Variants in GCNT2 observed in about 807,000 individuals in gnomAD.
GCNT2 encodes the protein glucosaminyl (N-acetyl) transferase 2 (I blood group).
A neutral mutation model predicts 34.2 loss-of-function variants in GCNT2; 34 were observed. The observed-to-expected ratio is 1.00, with a 90% CI of 0.76 to 1.32. The LOEUF is 1.32. Ranked by LOEUF, GCNT2 falls within the 40% of genes most tolerant of loss-of-function variation. The pLI is 0.00. For missense variants in GCNT2, 584 were observed against 489.4 expected (o/e 1.19, Z -1.82); for synonymous variants, 212 against 188.0 (o/e 1.13, Z -1.04).
At chr6:10,588,027 T>A (rs755393250) in intron 3 of GCNT2, among the ~76,000 whole-genome samples, 3 of 152,228 alleles carry the variant, frequency 2.0e-5, no homozygotes, top group Non-Finnish European at 2.9e-5. Context: ...TGAAGCCACC[T>A]CTTGCCTGAA....
chr6:10,535,514 C>T (rs1022498353), intron 3 of GCNT2, among the ~76,000 whole-genome samples: 11 of 152,164 alleles, frequency 7.2e-5, no homozygotes, highest in African/African-American at 2.7e-4. Flanking sequence ...GTTCATCCAC[C>T]TCCCACTTTC....
chr6:10,563,756 G>GAAAAAA (rs55761102), intron 3 of GCNT2, among the ~76,000 whole-genome samples: 2 of 55,790 alleles, frequency 3.6e-5, no homozygotes, highest in African/African-American at 1.1e-4. Context: ...AAAGAAAAAA[G>GAAAAAA]AAAAAAAAAA....
chr6:10,586,442 C>A, intron 3 of GCNT2: 2 of 1,614,162 alleles, frequency 1.2e-6, no homozygotes, highest in Non-Finnish European at 1.7e-6. Flanking sequence ...AAAATGCTTT[C>A]ATTGCTTCAA....
At position 10,604,867 on chromosome 6, in the gene GCNT2, G is replaced by GAAA. The variant is rs3064184; in HGVS notation, c.926-16481_926-16479dup. ...GAGTGAGACCTTGTCTCAAAAAAAAGAAAAAGAAAAAGAAAGAAAAATGTA... is the reference window on the plus strand; with the variant it reads ...GAGTGAGACCTTGTCTCAAAAAAAAGAAAAAAAAGAAAAAGAAAGAAAAATGTA... On this transcript the variant is annotated intron_variant, in intron 3 of 4. Coordinates refer to ENST00000495262, the MANE Select transcript of GCNT2 (RefSeq NM_145649.5). Among the ~76,000 whole-genome samples the GAAA allele has an allele frequency of 9.9e-3, 1,466 of 147,868 alleles. 26 individuals carry two copies. Among genetic ancestry groups the GAAA allele is most frequent in the African/African-American group, 0.031 (1,245 of 40,720 alleles).
chr6:10,551,313 T>TCA, intron 3 of GCNT2, among the ~76,000 whole-genome samples: 1 of 152,250 alleles, frequency 6.6e-6, no homozygotes, highest in East Asian at 1.9e-4. Flanking sequence ...TTACACCAGC[T>TCA]CACACAGAGA....
chr6:10,523,028 A>T (rs1760994149), intron 1 of GCNT2, among the ~76,000 whole-genome samples: 1 of 152,206 alleles, frequency 6.6e-6, no homozygotes, highest in Non-Finnish European at 1.5e-5. Flanking sequence ...ACGCAGGCGG[A>T]AAGTGCCTTT....
At chr6:10,541,296 GAAT>G (rs1204769135) in intron 3 of GCNT2, among the ~76,000 whole-genome samples, 1 of 152,120 alleles carries the variant, frequency 6.6e-6, no homozygotes, top group Admixed American at 6.6e-5. Flanking sequence ...ACTTTGCTGA[GAAT>G]AATGTCTTCC....
At chr6:10,617,375 C>T (rs1334423870) in intron 3 of GCNT2, among the ~76,000 whole-genome samples, 2 of 152,196 alleles carry the variant, frequency 1.3e-5, no homozygotes, top group African/African-American at 4.8e-5. Flanking sequence ...TGCGCGCAGC[C>T]CTGGTTCCCG....
intron 3 of GCNT2, among the ~76,000 whole-genome samples, chr6:10,545,873 TC>T (rs1289860824): frequency 2.0e-5 from 3 of 152,102 alleles, no homozygotes; most frequent in Non-Finnish European, 2.9e-5. Flanking sequence ...AGAAATAAAA[TC>T]AGTTACAATG....
intron 3 of GCNT2, chr6:10,556,224 G>T (rs1762694785): frequency 1.4e-6 from 2 of 1,438,198 alleles, no homozygotes; most frequent in African/African-American, 2.9e-5. Flanking sequence ...TGAGAGAGGC[G>T]GGATCTGGCT....
intron 3 of GCNT2, chr6:10,575,191 A>T (rs551098957): frequency 8.5e-5 from 33 of 389,782 alleles, no homozygotes; most frequent in African/African-American, 6.0e-4. Context: ...GAGAACATAC[A>T]TTGGGTGCCT....
At position 10,628,589 on chromosome 6, in the gene GCNT2, G is replaced by T. The variant is rs1383162640; in HGVS notation, c.*1982G>T. 6.6e-6 allele frequency: 1 copy of T among 152,210 alleles called. No homozygotes were observed. Among genetic ancestry groups the T allele is most frequent in the African/African-American group, 2.4e-5 (1 of 41,454 alleles). The allele number at this position is 152,210 out of a possible 1,614,324, so 9.4% of individuals were successfully genotyped here. ...ACAAACTGCCATTGGCTATAGATGG[G>T]ACTGTGTCCCCCCAAAATTCATGTG... On this transcript the variant is annotated 3_prime_UTR_variant, in exon 5 of 5. Transcript: ENST00000495262.
intron 3 of GCNT2, among the ~76,000 whole-genome samples, chr6:10,540,712 T>C (rs1441946653): frequency 2.6e-5 from 4 of 152,206 alleles, no homozygotes; most frequent in African/African-American, 4.8e-5. Flanking sequence ...AGATGTTCTC[T>C]ACAAGTGGAG....
At chr6:10,564,416 C>G (rs1367061991) in intron 3 of GCNT2, among the ~76,000 whole-genome samples, 1 of 152,220 alleles carries the variant, frequency 6.6e-6, no homozygotes, top group East Asian at 1.9e-4. Flanking sequence ...TCCCTTAGCT[C>G]TCCCTACCCT....
At position 10,621,426 on chromosome 6, in the gene GCNT2, G is replaced by A; in HGVS notation, c.1001G>A (p.Arg334Lys). 1 of 1,611,850 alleles carries A rather than the reference G, an allele frequency of 6.2e-7. No homozygotes were observed. The highest frequency in any genetic ancestry group is 1.1e-5 in the South Asian group (1 of 90,974). Residue 334 changes from arginine (R) to lysine (K), a missense_variant, in exon 4 of 5, where the codon AGA (arginine) becomes AAA (lysine). Coordinates refer to ENST00000495262, the MANE Select transcript of GCNT2 (RefSeq NM_145649.5). ...RAIKWSDMED[R>K]HGGCHGHYVH... The stretch of plus-strand genomic sequence containing the variant: ...ATAAAGTGGAGTGACATGGAAGACA[G>A]ACACGGAGGCTGCCACGGTGAGGCT...
At chr6:10,580,592 G>A (rs115248909) in intron 3 of GCNT2, among the ~76,000 whole-genome samples, 2,830 of 151,304 alleles carry the variant, frequency 0.019, 59 homozygotes, top group African/African-American at 0.057. Context: ...GGAGATGAGA[G>A]GACTCATCAA....
chr6:10,527,883 A>G (rs997289670), intron 2 of GCNT2, among the ~76,000 whole-genome samples: 3 of 152,138 alleles, frequency 2.0e-5, no homozygotes, highest in African/African-American at 7.2e-5. Flanking sequence ...ATTAAAAAAA[A>G]AGCCTCCTTT....
chr6:10,529,353 C>G lies in GCNT2; in HGVS notation c.442C>G (p.Pro148Ala), dbSNP rs1761361040. ...GAVKQLLSCF[P>A]NAFLASKKES... ...AGTGAAACAGTTACTCAGCTGCTTC[C>G]CAAATGCTTTTCTGGCTTCCAAGAA... The change falls in exon 3 of 5, where the codon CCA becomes GCA. Residue 148 changes from proline to alanine, a missense_variant. Coordinates refer to ENST00000495262, the MANE Select transcript of GCNT2 (RefSeq NM_145649.5). The G allele has an allele frequency of 6.2e-7, 1 of 1,614,028 alleles. No individual in the cohort carries two copies.
chr6:10,617,170 A>G (rs1011264201), intron 3 of GCNT2, among the ~76,000 whole-genome samples: 1 of 152,168 alleles, frequency 6.6e-6, no homozygotes, highest in Non-Finnish European at 1.5e-5. Context: ...GGGGAGGCTC[A>G]GACATGGCCG....
Sources: gnomAD v4.1 joint callset for allele counts (sites outside exome capture counted in the v4.1 genomes callset) on GRCh38, gnomAD v4.1.1 for gene constraint, MANE v1.5 for transcripts, NCBI Gene and HGNC (gene_info 2026-07-23, HGNC 2026-07-21) for gene names.